MCU: variants seen among roughly 807,000 people sequenced by gnomAD.
MCU encodes the protein calcium uniporter protein, mitochondrial.
MCU carries 12 observed loss-of-function variants against 45.2 expected under a neutral mutation model. The ratio of observed to expected loss-of-function variants is 0.27; its 90% confidence interval spans 0.17 to 0.43. The LOEUF is 0.43. Ranked by LOEUF, MCU falls within the 20% of genes least tolerant of loss-of-function variation. MCU has a pLI of 1.00. For synonymous variants in MCU, 160 were observed against 165.1 expected, an observed-to-expected ratio of 0.97 and a Z score of 0.24; for missense variants, 324 against 436.7, an observed-to-expected ratio of 0.74 and a Z score of 2.30.
At chr10:72,758,326 A>G (rs936776219) in intron 1 of MCU, among the ~76,000 whole-genome samples, 2 of 152,162 alleles carry the variant, frequency 1.3e-5, no homozygotes, top group East Asian at 3.8e-4. Flanking sequence ...GCCACATGCC[A>G]TTGCACCTGC....
intron 4 of MCU, among the ~76,000 whole-genome samples, chr10:72,867,312 A>T (rs563797466): frequency 6.6e-6 from 1 of 152,160 alleles, no homozygotes; most frequent in East Asian, 1.9e-4. Flanking sequence ...CTTAAAAAAA[A>T]TTGACAGCTT....
chr10:72,735,646 G>T (rs1440520458), intron 1 of MCU, among the ~76,000 whole-genome samples: 9 of 152,164 alleles, frequency 5.9e-5, no homozygotes, highest in Admixed American at 5.9e-4. Context: ...TAGCCACTCA[G>T]TATTAGAATA....
intron 2 of MCU, among the ~76,000 whole-genome samples, chr10:72,850,295 C>T (rs1275255696): frequency 1.3e-5 from 2 of 152,136 alleles, no homozygotes; most frequent in African/African-American, 4.8e-5. Flanking sequence ...ACTTATGATG[C>T]AGAATATTAC....
chr10:72,777,887 T>G (rs1843919848), intron 1 of MCU, among the ~76,000 whole-genome samples: 1 of 152,150 alleles, frequency 6.6e-6, no homozygotes, highest in Non-Finnish European at 1.5e-5. Context: ...CAAACACATT[T>G]CTTGAAAGAA....
intron 1 of MCU, among the ~76,000 whole-genome samples, chr10:72,770,575 T>C (rs1016755580): frequency 6.6e-6 from 1 of 152,102 alleles, no homozygotes; most frequent in Non-Finnish European, 1.5e-5. Context: ...TTTTACACCT[T>C]TTAAAGACAC....
intron 1 of MCU, among the ~76,000 whole-genome samples, chr10:72,768,126 AAAAC>A (rs1405755156): frequency 4.6e-5 from 7 of 152,284 alleles, no homozygotes; most frequent in East Asian, 1.9e-4. Flanking sequence ...AAAAAACAAA[AAAAC>A]AAACAAAAGA....
chr10:72,692,802 G>A, intron 1 of MCU: 1 of 1,412,830 alleles, frequency 7.1e-7, no homozygotes, highest in Non-Finnish European at 9.2e-7. Context: ...GGACCCCGGC[G>A]GGGCCGCCCC....
intron 2 of MCU, among the ~76,000 whole-genome samples, chr10:72,840,859 C>T (rs1238529606): frequency 6.6e-6 from 1 of 152,084 alleles, no homozygotes; most frequent in Non-Finnish European, 1.5e-5. Flanking sequence ...GAACTTGTTT[C>T]ATCACAGAAC....
chr10:72,867,412 A>G (rs2132879763), intron 4 of MCU, among the ~76,000 whole-genome samples: 1 of 152,306 alleles, frequency 6.6e-6, no homozygotes. Context: ...ATTGAATGAA[A>G]GAATTTAATC....
chr10:72,745,591 G>A (rs949291196), intron 1 of MCU, among the ~76,000 whole-genome samples: 2 of 152,104 alleles, frequency 1.3e-5, no homozygotes, highest in Non-Finnish European at 2.9e-5. Flanking sequence ...CAGGGATATG[G>A]CAAACACATA....
At chr10:72,879,270 T>C (rs905209048) in intron 6 of MCU, among the ~76,000 whole-genome samples, 2 of 151,508 alleles carry the variant, frequency 1.3e-5, no homozygotes, top group Admixed American at 6.6e-5. Flanking sequence ...ATCAAAAAAA[T>C]AAAATAAAAA....
intron 1 of MCU, among the ~76,000 whole-genome samples, chr10:72,766,258 G>A (rs1345445893): frequency 1.3e-5 from 2 of 151,948 alleles, no homozygotes; most frequent in African/African-American, 2.4e-5. Context: ...CTTTTTTCTT[G>A]TCTTTCTTTT....
At chr10:72,864,435 C>T (rs919405196) in intron 4 of MCU, among the ~76,000 whole-genome samples, 2 of 152,058 alleles carry the variant, frequency 1.3e-5, no homozygotes, top group South Asian at 2.1e-4. Context: ...CTACAGTTGC[C>T]CATCATTTTA....
intron 1 of MCU, among the ~76,000 whole-genome samples, chr10:72,782,261 C>G (rs528246665): frequency 6.6e-6 from 1 of 152,122 alleles, no homozygotes; most frequent in South Asian, 2.1e-4. Context: ...GTGCCCGGTA[C>G]CTTCATACCC....
At chr10:72,862,919 A>G (rs1229815300) in intron 4 of MCU, among the ~76,000 whole-genome samples, 1 of 142,264 alleles carries the variant, frequency 7.0e-6, no homozygotes, top group East Asian at 2.0e-4. Flanking sequence ...AAAAAAAAAG[A>G]AAAAAAAAAA....
At chr10:72,714,345 C>CTTTTTTTTTTTTATTTTT (rs1842932203) in intron 1 of MCU, among the ~76,000 whole-genome samples, 1 of 54,768 alleles carries the variant, frequency 1.8e-5, no homozygotes, top group Non-Finnish European at 4.0e-5. Flanking sequence ...CCGCCCTGGT[C>CTTTTTTTTTTTTATTTTT]TTTTTTTTTT....
chr10:72,726,847 A>G (rs1259166035), intron 1 of MCU, among the ~76,000 whole-genome samples: 2 of 152,154 alleles, frequency 1.3e-5, no homozygotes, highest in African/African-American at 2.4e-5. Flanking sequence ...GTTGTTAGTT[A>G]TAGGATTTTT....
At chr10:72,804,336 G>A (rs764471500) in intron 1 of MCU, among the ~76,000 whole-genome samples, 6 of 151,482 alleles carry the variant, frequency 4.0e-5, no homozygotes, top group Non-Finnish European at 5.9e-5. Flanking sequence ...TGATCTGCCC[G>A]CCTTGGCCTC....
chr10:72,696,448 G>A (rs1311473395), intron 1 of MCU, among the ~76,000 whole-genome samples: 1 of 152,112 alleles, frequency 6.6e-6, no homozygotes, highest in African/African-American at 2.4e-5. Flanking sequence ...TACTAGAAAA[G>A]TTTCTCTAAA....
Sources: gnomAD v4.1 joint callset for allele counts (sites outside exome capture counted in the v4.1 genomes callset) on GRCh38, gnomAD v4.1.1 for gene constraint, MANE v1.5 for transcripts, NCBI Gene and HGNC (gene_info 2026-07-23, HGNC 2026-07-21) for gene names.